The following IQSEC1 variants were observed in gnomAD, a reference collection of about 807,000 sequenced individuals.
IQSEC1 encodes the protein IQ motif and SEC7 domain-containing protein 1.
IQSEC1 carries 31 observed loss-of-function variants against 91.0 expected under a neutral mutation model. That is an observed-to-expected ratio of 0.34 (90% CI 0.26 to 0.46). The LOEUF is 0.46. IQSEC1 is among the 20% of genes least tolerant of loss of function. IQSEC1 has a pLI of 1.00. For missense variants in IQSEC1, 1,388 were observed against 1,575.6 expected (o/e 0.88, Z 2.02); for synonymous variants, 699 against 662.6 (o/e 1.05, Z -0.84).
intron 1 of IQSEC1, among the ~76,000 whole-genome samples, chr3:13,169,972 T>C (rs1693577702): frequency 6.6e-6 from 1 of 152,234 alleles, no homozygotes; most frequent in Non-Finnish European, 1.5e-5. Flanking sequence ...ACATAAGTAA[T>C]GAGAAGCCGA....
Position 12,967,530 on chromosome 3 carries a change from C to A in IQSEC1, c.24-25665G>T. The A allele has an allele frequency of 1.4e-6, 2 of 1,389,696 alleles. No homozygotes were observed. Among genetic ancestry groups the A allele is most frequent in the Non-Finnish European group, 1.9e-6 (2 of 1,080,068 alleles). The allele number at this position is 1,389,696 out of a possible 1,614,324, so 86.1% of individuals were successfully genotyped here. The stretch of plus-strand genomic sequence containing the variant: ...AGGCCGCCGACTCCCGCCAGCGAGC[C>A]GCCGGATCCCGGGGCCGACACCCGG... On this transcript the variant is annotated intron_variant, in intron 1 of 13. Coordinates refer to ENST00000613206, the MANE Select transcript of IQSEC1 (RefSeq NM_001134382.3). This position sits in a 1 kb window ranked among gnomAD's most constrained non-coding sequence, Gnocchi z 5.9.
At chr3:13,069,298 G>A (rs1306519459) in intron 1 of IQSEC1, among the ~76,000 whole-genome samples, 1 of 152,096 alleles carries the variant, frequency 6.6e-6, no homozygotes, top group Non-Finnish European at 1.5e-5. Flanking sequence ...TCCAGCCCAG[G>A]CCCACTGTCC....
intron 1 of IQSEC1, among the ~76,000 whole-genome samples, chr3:13,071,622 T>C (rs1193576774): frequency 3.3e-5 from 5 of 152,198 alleles, no homozygotes; most frequent in Non-Finnish European, 7.4e-5. Flanking sequence ...AGTGAGAACT[T>C]TGGTGTGCTC....
At chr3:13,100,496 C>T (rs1374571816) in intron 2 of IQSEC1, among the ~76,000 whole-genome samples, 3 of 148,768 alleles carry the variant, frequency 2.0e-5, no homozygotes, top group Non-Finnish European at 4.5e-5. Flanking sequence ...TCAGCATGGA[C>T]CAACTTCCTG....
intron 3 of IQSEC1, among the ~76,000 whole-genome samples, chr3:12,925,321 C>T (rs927900426): frequency 5.9e-5 from 9 of 152,320 alleles, no homozygotes; most frequent in Admixed American, 3.3e-4. Flanking sequence ...TCTGTGCCGC[C>T]GCTGTTGAGG....
intron 2 of IQSEC1, among the ~76,000 whole-genome samples, chr3:13,098,369 G>A (rs1034389177): frequency 1.3e-5 from 2 of 152,194 alleles, no homozygotes; most frequent in African/African-American, 2.4e-5. Context: ...TACCACAGAG[G>A]AGGCGCCATC....
At chr3:13,122,537 G>A (rs1473143302) in intron 2 of IQSEC1, among the ~76,000 whole-genome samples, 1 of 152,154 alleles carries the variant, frequency 6.6e-6, no homozygotes, top group Non-Finnish European at 1.5e-5. Context: ...GAAGGGGAAT[G>A]AGGAGCTTGC....
At chr3:13,227,051 C>T (rs1311929603) in intron 1 of IQSEC1, among the ~76,000 whole-genome samples, 1 of 152,014 alleles carries the variant, frequency 6.6e-6, no homozygotes, top group Non-Finnish European at 1.5e-5. Context: ...CACTGTAGTC[C>T]AGCCTGGGGG....
At position 12,908,441 on chromosome 3, in the gene IQSEC1, A is replaced by G. The variant is rs747094094; in HGVS notation, c.2663T>C (p.Leu888Pro). The G allele has an allele frequency of 3.1e-6, 5 of 1,613,488 alleles. No individual in the cohort carries two copies. The highest frequency in any genetic ancestry group is 4.2e-6 in the Non-Finnish European group (5 of 1,180,026). The change falls in exon 12 of 14, where the codon CTG (leucine) becomes CCG (proline). Residue 888 changes from leucine (L) to proline (P), a missense_variant. Around this residue, in one of 2 missense-constraint regions of IQSEC1, gnomAD observed 1,059 missense variants for 1,317.8 expected, o/e 0.80. Transcript: ENST00000613206. This position sits in a 1 kb window ranked among gnomAD's most constrained non-coding sequence, Gnocchi z 4.9. ...SLKKESGNGT[L>P]SRACLDDSYA... The stretch of plus-strand genomic sequence containing the variant: ...GCTGTCGTCCAGGCAGGCCCGGCTC[A>G]GTGTTCCGTTGCCCGACTCCTTTTT...
chr3:13,104,206 G>A (rs1352977016), intron 2 of IQSEC1, among the ~76,000 whole-genome samples: 1 of 152,150 alleles, frequency 6.6e-6, no homozygotes, highest in African/African-American at 2.4e-5. Flanking sequence ...TGTTTGCTGA[G>A]TGAATAAATG....
intron 2 of IQSEC1, among the ~76,000 whole-genome samples, chr3:13,140,819 G>A (rs552966268): frequency 6.6e-5 from 10 of 152,310 alleles, no homozygotes; most frequent in African/African-American, 2.2e-4. Context: ...ACCCTCCCCT[G>A]GGTCTGGACT....
intron 7 of IQSEC1, 116 bp from the exon 8 acceptor site, chr3:12,915,249 G>A: frequency 8.5e-7 from 1 of 1,175,930 alleles, no homozygotes; most frequent in Non-Finnish European, 1.2e-6. Context: ...GCCAGTATGT[G>A]GGGTACCCAC....
chr3:12,948,783 G>A lies in IQSEC1; in HGVS notation c.24-6918C>T, dbSNP rs1450982887. Reference sequence around the variant, plus strand: ...CTAAGCTGTATATGGAACACATTCAGTGCTCTCAATACCCTGCAGGCACGG... The same window carrying A: ...CTAAGCTGTATATGGAACACATTCAATGCTCTCAATACCCTGCAGGCACGG... On this transcript the variant is annotated intron_variant, in intron 1 of 13. Coordinates refer to ENST00000613206, the MANE Select transcript of IQSEC1 (RefSeq NM_001134382.3). Among the ~76,000 whole-genome samples, 3 of 152,324 alleles carry A rather than the reference G, an allele frequency of 2.0e-5. No individual in the cohort carries two copies. In the East Asian group the frequency reaches 5.8e-4, roughly 29 times the overall value.
At chr3:13,090,228 A>C (rs541325688) in intron 2 of IQSEC1, among the ~76,000 whole-genome samples, 78 of 152,112 alleles carry the variant, frequency 5.1e-4, no homozygotes, top group African/African-American at 1.8e-3. Context: ...AAAAAAAATA[A>C]AACAACAAAA....
intron 1 of IQSEC1, among the ~76,000 whole-genome samples, chr3:13,004,618 G>A (rs1174793542): frequency 6.6e-6 from 1 of 152,188 alleles, no homozygotes; most frequent in Admixed American, 6.5e-5. Flanking sequence ...CACAGGCTTC[G>A]AAAGGCCCAG....
intron 1 of IQSEC1, among the ~76,000 whole-genome samples, chr3:13,196,215 G>C (rs929939623): frequency 2.0e-5 from 3 of 152,112 alleles, no homozygotes; most frequent in Non-Finnish European, 2.9e-5. Flanking sequence ...TCTCAGCTAG[G>C]TCCCAAGAGG....
intron 1 of IQSEC1, among the ~76,000 whole-genome samples, chr3:13,195,343 C>T (rs764201495): frequency 6.6e-5 from 10 of 152,004 alleles, no homozygotes; most frequent in African/African-American, 1.7e-4. Context: ...CACCAGAGGC[C>T]GGAGAGGATA....
At chr3:13,029,696 G>A (rs1250442801) in intron 1 of IQSEC1, among the ~76,000 whole-genome samples, 1 of 152,230 alleles carries the variant, frequency 6.6e-6, no homozygotes, top group Non-Finnish European at 1.5e-5. Context: ...GTGTGTGTGC[G>A]CACATGCGGT....
chr3:13,134,057 T>G (rs1037995641), intron 2 of IQSEC1, among the ~76,000 whole-genome samples: 5 of 152,148 alleles, frequency 3.3e-5, no homozygotes, highest in African/African-American at 1.2e-4. Context: ...AATACGAAAA[T>G]GGGTCAGTGG....
Sources: allele counts gnomAD v4.1 joint callset (sites outside exome capture counted in the v4.1 genomes callset), GRCh38; gene constraint gnomAD v4.1.1; regional missense constraint gnomAD v4.1.1; non-coding constraint Gnocchi (gnomAD v3.1); transcripts MANE v1.5; gene names NCBI Gene and HGNC (gene_info 2026-07-23, HGNC 2026-07-21).